Variants in MAD1L1 observed in about 807,000 individuals in gnomAD.
MAD1L1 encodes the protein mitotic spindle assembly checkpoint protein MAD1.
A neutral mutation model predicts 96.9 loss-of-function variants in MAD1L1; 95 were observed. That is an observed-to-expected ratio of 0.98 (90% CI 0.83 to 1.16). The LOEUF (loss-of-function observed/expected upper bound fraction) is 1.16. Among genes scored for constraint, MAD1L1 ranks in the 50% most tolerant of loss-of-function variants. MAD1L1 has a pLI of 0.00. For synonymous variants in MAD1L1, 473 were observed against 396.6 expected (o/e 1.19, Z -2.29); for missense variants, 1,007 against 954.4 (o/e 1.06, Z -0.73).
intron 12 of MAD1L1, among the ~76,000 whole-genome samples, chr7:2,023,168 T>C (rs1041715858): frequency 7.2e-5 from 11 of 152,176 alleles, no homozygotes; most frequent in African/African-American, 2.7e-4. Flanking sequence ...CAGAATTCAA[T>C]AGCCCCATCA....
rs1562491303 is a variant in MAD1L1, at chr7:1,887,529, C to CAAGCA, written c.1998+10670_1998+10671insTGCTT. 2.4e-4 allele frequency among the ~76,000 whole-genome samples: 35 copies of CAAGCA among 144,086 alleles called. 1 individual carries two copies. Among genetic ancestry groups the CAAGCA allele is most frequent in the African/African-American group, 8.9e-4 (35 of 39,448 alleles). The allele number at this position is 144,086 out of a possible 152,430, so 94.5% of individuals were successfully genotyped here. A position where few individuals can be genotyped will look rare whatever the true frequency, so the allele number is the denominator to read the frequency against. ...TATGTGGCTGCCTGTGCGTGTGTGTCTGCATGTGGCTGCCTGTGCATGTGT... is the reference window on the plus strand; with the variant it reads ...TATGTGGCTGCCTGTGCGTGTGTGTCAAGCATGCATGTGGCTGCCTGTGCATGTGT... On this transcript the variant is annotated intron_variant, in intron 18 of 18. Coordinates refer to ENST00000265854, the MANE Select transcript of MAD1L1 (RefSeq NM_001013836.2).
intron 10 of MAD1L1, among the ~76,000 whole-genome samples, chr7:2,154,828 G>A (rs1164426231): frequency 6.6e-6 from 1 of 152,130 alleles, no homozygotes; most frequent in Non-Finnish European, 1.5e-5. Flanking sequence ...GAACAAGGTG[G>A]AATCCGATCA....
At chr7:2,054,768 C>A (rs1244497305) in intron 12 of MAD1L1, among the ~76,000 whole-genome samples, 1 of 152,338 alleles carries the variant, frequency 6.6e-6, no homozygotes, top group South Asian at 2.1e-4. Flanking sequence ...GCAGGCTTTG[C>A]ACCGATCCAG....
At chr7:1,820,286 T>TCTA (rs1273336740) in intron 18 of MAD1L1, among the ~76,000 whole-genome samples, 1 of 152,044 alleles carries the variant, frequency 6.6e-6, no homozygotes, top group African/African-American at 2.4e-5. Flanking sequence ...AAGGCAGTGC[T>TCTA]TAGAGGGAAA....
chr7:2,034,221 C>CTTT lies in MAD1L1; in HGVS notation c.1219-19582_1219-19580dup, dbSNP rs565833842. Among the ~76,000 whole-genome samples the CTTT allele has an allele frequency of 2.8e-4, 41 of 143,952 alleles. 1 individual carries two copies. The highest frequency in any genetic ancestry group is 6.9e-4 in the African/African-American group (27 of 39,206). The allele number at this position is 143,952 out of a possible 152,430, so 94.4% of individuals were successfully genotyped here. A position where few individuals can be genotyped will look rare whatever the true frequency, so the allele number is the denominator to read the frequency against. ...AGCTAAATTTCCAATAAAGAGTCTC[C>CTTT]TTTTTTTTTTTTTTGGAGACGGAGT... On this transcript the variant is annotated intron_variant, in intron 12 of 18. Transcript: ENST00000265854.
chr7:1,818,527 T>C (rs1337349131), intron 18 of MAD1L1, among the ~76,000 whole-genome samples: 2 of 152,116 alleles, frequency 1.3e-5, no homozygotes, highest in African/African-American at 4.8e-5. Flanking sequence ...GACAGGCATG[T>C]GCCAGCACAC....
intron 14 of MAD1L1, among the ~76,000 whole-genome samples, chr7:2,001,224 G>A (rs923779289): frequency 6.6e-6 from 1 of 152,268 alleles, no homozygotes; most frequent in Non-Finnish European, 1.5e-5. Flanking sequence ...AACGCCGACA[G>A]CAGCTCTGCC....
rs1366246588 is a variant in MAD1L1, at chr7:2,060,446, C to A, written c.1218+8748G>T. Among the ~76,000 whole-genome samples, 3 of 152,076 alleles carry A rather than the reference C, an allele frequency of 2.0e-5. No individual in the cohort carries two copies. In the South Asian group the frequency reaches 6.2e-4, roughly 32 times the overall value. ...AGATACGCCGATGCTGAGATAACGC[C>A]GATGCCGAGATAACGCTGATGTCGA... On this transcript the variant is annotated intron_variant, in intron 12 of 18. Coordinates refer to ENST00000265854, the MANE Select transcript of MAD1L1 (RefSeq NM_001013836.2).
intron 18 of MAD1L1, among the ~76,000 whole-genome samples, chr7:1,859,453 G>C (rs1298533785): frequency 6.6e-6 from 1 of 152,222 alleles, no homozygotes; most frequent in Non-Finnish European, 1.5e-5. Flanking sequence ...GCTTTGAAAA[G>C]TCAGTGCTGC....
intron 18 of MAD1L1, among the ~76,000 whole-genome samples, chr7:1,883,961 A>G (rs991216921): frequency 6.6e-6 from 1 of 152,202 alleles, no homozygotes; most frequent in Non-Finnish European, 1.5e-5. Context: ...AGCTGAAGGA[A>G]GCCTGGAGGA....
chr7:2,000,399 C>A (rs1166571173), intron 14 of MAD1L1, among the ~76,000 whole-genome samples: 1 of 152,168 alleles, frequency 6.6e-6, no homozygotes, highest in Non-Finnish European at 1.5e-5. Context: ...CAGGTTGTGT[C>A]ACCACCTCCT....
chr7:2,186,792 CT>C (rs111676405), intron 10 of MAD1L1, among the ~76,000 whole-genome samples: 7,177 of 142,990 alleles, frequency 0.05, 268 homozygotes, highest in African/African-American at 0.11. Context: ...TTTTCTTTTT[CT>C]TTTTTTTTTT....
chr7:2,159,455 C>T (rs988776424), intron 10 of MAD1L1, among the ~76,000 whole-genome samples: 1 of 152,250 alleles, frequency 6.6e-6, no homozygotes, highest in African/African-American at 2.4e-5. Flanking sequence ...GCCGCTCCTC[C>T]TGGTGCTCTC....
At chr7:1,984,341 A>G (rs190341657) in intron 14 of MAD1L1, among the ~76,000 whole-genome samples, 1 of 152,346 alleles carries the variant, frequency 6.6e-6, no homozygotes, top group African/African-American at 2.4e-5. Flanking sequence ...ATTACCGAAT[A>G]CACAATTAAT....
At chr7:1,930,861 T>C (rs1321872202) in intron 17 of MAD1L1, among the ~76,000 whole-genome samples, 2 of 152,104 alleles carry the variant, frequency 1.3e-5, no homozygotes, top group Non-Finnish European at 2.9e-5. Context: ...CCCTGGTCTC[T>C]CTCGTGACCC....
chr7:2,017,607 C>T (rs759885039), intron 12 of MAD1L1, among the ~76,000 whole-genome samples: 8 of 152,080 alleles, frequency 5.3e-5, no homozygotes, highest in African/African-American at 1.7e-4. Flanking sequence ...TGGGAGGCAG[C>T]GGTGGGGAAG....
At chr7:2,223,999 G>A (rs546387566) in intron 4 of MAD1L1, among the ~76,000 whole-genome samples, 1 of 152,272 alleles carries the variant, frequency 6.6e-6, no homozygotes, top group South Asian at 2.1e-4. Context: ...CCAGGTGTAA[G>A]CCCAGTCACC....
chr7:2,215,469 T>A (rs1383189451), intron 9 of MAD1L1, among the ~76,000 whole-genome samples: 1 of 151,420 alleles, frequency 6.6e-6, no homozygotes, highest in African/African-American at 2.4e-5. Context: ...GGAATCCTGG[T>A]GTTGGCAGGG....
Position 2,102,300 on chromosome 7 carries a change from A to G in MAD1L1, c.1074-32962T>C, listed in dbSNP as rs1369908396. Reference sequence around the variant, plus strand: ...CACCACCACCACCGCCACTGTCACCATCACCACCGTCACCATCACCGCCGT... The same window carrying G: ...CACCACCACCACCGCCACTGTCACCGTCACCACCGTCACCATCACCGCCGT... On this transcript the variant is annotated intron_variant, in intron 11 of 18. Transcript: ENST00000265854. Among the ~76,000 whole-genome samples, 8 of 75,642 alleles carry G rather than the reference A, an allele frequency of 1.1e-4. No homozygotes were observed. In the East Asian group the frequency reaches 7.1e-3, roughly 67 times the overall value. The allele number at this position is 75,642 out of a possible 152,430, so 49.6% of individuals were successfully genotyped here. A position where few individuals can be genotyped will look rare whatever the true frequency, so the allele number is the denominator to read the frequency against.
Sources: gnomAD v4.1 joint callset for allele counts (sites outside exome capture counted in the v4.1 genomes callset) on GRCh38, gnomAD v4.1.1 for gene constraint, MANE v1.5 for transcripts, NCBI Gene and HGNC (gene_info 2026-07-23, HGNC 2026-07-21) for gene names.